DNAH1: variants seen among roughly 807,000 people sequenced by gnomAD.
DNAH1 encodes the protein axonemal beta dynein heavy chain 1.
A neutral mutation model predicts 484.3 loss-of-function variants in DNAH1; 327 were observed. The ratio of observed to expected loss-of-function variants is 0.68; its 90% CI spans 0.62 to 0.74. DNAH1 has a LOEUF of 0.74. Among genes scored for constraint, DNAH1 ranks in the 30% least tolerant of loss-of-function variants. The pLI, the probability that DNAH1 is intolerant of heterozygous loss-of-function variation, is 0.00. For synonymous variants in DNAH1, 2,192 were observed against 2,191.9 expected (o/e 1.00, Z 0.00); for missense variants, 5,052 against 5,546.8 (o/e 0.91, Z 2.83).
At chr3:52,378,819 GCT>G in intron 47 of DNAH1, 39 bp downstream of exon 47, 1 of 1,610,106 alleles carries the variant, frequency 6.2e-7, no homozygotes, top group Non-Finnish European at 8.5e-7. Context: ...TGCCCACACT[GCT>G]CTCCGCATCC....
At chr3:52,373,429 C>CAA (rs1703444940) in intron 44 of DNAH1, among the ~76,000 whole-genome samples, 1 of 152,228 alleles carries the variant, frequency 6.6e-6, no homozygotes, top group Admixed American at 6.5e-5. Flanking sequence ...AAAGAATCAC[C>CAA]AAAAGCAGGG....
chr3:52,332,432 CCTT>C (rs763521542), intron 8 of DNAH1, 38 bp downstream of exon 8: 4 of 1,597,310 alleles, frequency 2.5e-6, no homozygotes, highest in South Asian at 1.1e-5. Context: ...CTGGGCATCA[CCTT>C]CTTCAGGGAA....
chr3:52,361,974 A>T lies in DNAH1; in HGVS notation c.4980+208A>T. ...GGGGTCCCCTCCTCATTACATCCTGACCTTTATGGAAAGCCCCAGGCATTG... is the reference window on the plus strand; with the variant it reads ...GGGGTCCCCTCCTCATTACATCCTGTCCTTTATGGAAAGCCCCAGGCATTG... On this transcript the variant is annotated intron_variant, in intron 30 of 77. Coordinates refer to ENST00000420323, the MANE Select transcript of DNAH1 (RefSeq NM_015512.5). This position sits in a 1 kb window ranked among gnomAD's most constrained non-coding sequence, Gnocchi z 5.6. Among the ~76,000 whole-genome samples, 1 of 152,106 alleles carries T rather than the reference A, an allele frequency of 6.6e-6. No individual in the cohort carries two copies. Among genetic ancestry groups the T allele is most frequent in the East Asian group, 1.9e-4 (1 of 5,182 alleles).
At position 52,378,771 on chromosome 3, in the gene DNAH1, C is replaced by T. The variant is rs760944116; in HGVS notation, c.7368C>T (p.Ala2456=). 19 of 1,613,512 alleles carry T rather than the reference C, an allele frequency of 1.2e-5. No individual in the cohort carries two copies. In the African/African-American group the frequency reaches 2.5e-4, roughly 22 times the overall value. The change falls in exon 47 of 78, where the codon GCC becomes GCT. Residue 2456 remains alanine (A), a synonymous_variant. Coordinates refer to ENST00000420323, the MANE Select transcript of DNAH1 (RefSeq NM_015512.5). ...AAGGCATGCTCATGGCTGACCCGGC[C>T]AAGGTCGAGGTGAGGACCAGGCAGG... The part of the protein sequence containing the change: ...VFQGMLMADP[A]KVEDQVQLLR...
At chr3:52,328,644 C>T (rs1444678706) in intron 6 of DNAH1, among the ~76,000 whole-genome samples, 1 of 152,276 alleles carries the variant, frequency 6.6e-6, no homozygotes, top group Non-Finnish European at 1.5e-5. Context: ...AGGGAGTGCC[C>T]TTGGCTGCTC....
Position 52,392,692 on chromosome 3 carries a change from C to A in DNAH1, c.10278+3C>A. 1.9e-6 allele frequency: 3 copies of A among 1,593,932 alleles called. No individual in the cohort carries two copies. The South Asian group carries it at 3.4e-5, about 18-fold the overall frequency. ...AGATGAAGGCTGCTGAGATCCAGGT[C>A]AGCTGCTGCCTGCCCACCCACCTGC... is the stretch of plus-strand genomic sequence containing the variant. On this transcript the variant is annotated splice_donor_region_variant and intron_variant, in intron 64 of 77. Coordinates refer to ENST00000420323, the MANE Select transcript of DNAH1 (RefSeq NM_015512.5).
chr3:52,391,433 C>G lies in DNAH1; in HGVS notation c.9892-10C>G. 1 of 1,606,542 alleles carries G rather than the reference C, an allele frequency of 6.2e-7. No individual in the cohort carries two copies. The highest frequency in any genetic ancestry group is 8.5e-7 in the Non-Finnish European group (1 of 1,176,560). The stretch of plus-strand genomic sequence containing the variant: ...CAGGCCACAGTACCCACCGGTCCCA[C>G]CCACCACAGACGTACAAGCAGCAGG... On this transcript the variant is annotated splice_polypyrimidine_tract_variant and intron_variant, in intron 62 of 77. Coordinates refer to ENST00000420323, the MANE Select transcript of DNAH1 (RefSeq NM_015512.5).
Position 52,395,672 on chromosome 3 carries a change from C to A in DNAH1, c.11253C>A (p.Pro3751=), listed in dbSNP as rs781431972. 6.2e-7 allele frequency: 1 copy of A among 1,613,254 alleles called. No homozygotes were observed. The highest frequency in any genetic ancestry group is 8.5e-7 in the Non-Finnish European group (1 of 1,179,644). The part of the protein sequence containing the change: ...ALERLIEHIN[P]DKVHRDFRLW... ...AACGCCTCATCGAGCACATCAACCC[C>A]GACAAGGTGTGTTGCCCTGCCCATC... The change falls in exon 70 of 78, where the codon CCC becomes CCA. Residue 3751 remains proline, a synonymous_variant. Coordinates refer to ENST00000420323, the MANE Select transcript of DNAH1 (RefSeq NM_015512.5). This position sits in a 1 kb window ranked among gnomAD's most constrained non-coding sequence, Gnocchi z 4.4.
rs1272054267 is a variant in DNAH1, at chr3:52,397,764, C to G, written c.11845C>G (p.Leu3949Val). 1.9e-6 allele frequency: 3 copies of G among 1,613,840 alleles called. No individual in the cohort carries two copies. The highest frequency in any genetic ancestry group is 2.5e-6 in the Non-Finnish European group (3 of 1,179,770). Residue 3949 changes from leucine to valine, a missense_variant, in exon 74 of 78, where the codon CTG becomes GTG. Coordinates refer to ENST00000420323, the MANE Select transcript of DNAH1 (RefSeq NM_015512.5). Reference sequence around the variant, plus strand: ...CAATGATATGCCTGAGATCTTTGGCCTGCATGACAATGCCAACATCACCTT... The same window carrying G: ...CAATGATATGCCTGAGATCTTTGGCGTGCATGACAATGCCAACATCACCTT... ...PLNDMPEIFG[L>V]HDNANITFAQ... is the part of the protein sequence containing the mutation.
At chr3:52,372,806 C>T (rs1173536243) in intron 43 of DNAH1, 90 bp from the exon 44 acceptor site, 3 of 1,510,278 alleles carry the variant, frequency 2.0e-6, no homozygotes, top group South Asian at 1.3e-5. Flanking sequence ...GCAAGGGCTT[C>T]CCAGAGGCAA....
chr3:52,333,131 C>G (rs375888265), intron 8 of DNAH1, among the ~76,000 whole-genome samples: 20 of 152,222 alleles, frequency 1.3e-4, no homozygotes, highest in African/African-American at 4.6e-4. Flanking sequence ...AGTAAATCTC[C>G]CACCTTGGCT....
At chr3:52,340,879 A>G (rs1184842149) in intron 8 of DNAH1, among the ~76,000 whole-genome samples, 1 of 150,640 alleles carries the variant, frequency 6.6e-6, no homozygotes, top group Admixed American at 6.6e-5. Context: ...TTTTTAATTT[A>G]CAGATAATTT....
chr3:52,350,065 G>C lies in DNAH1; in HGVS notation c.2603G>C (p.Arg868Pro). 6.2e-7 allele frequency: 1 copy of C among 1,612,932 alleles called. No homozygotes were observed. ...AGCATTGAGGAGCTGGCTGAGCTGC[G>C]AGAGTGGATGAAGGGCATCCCGGAG... ...PNSIEELAEL[R>P]EWMKGIPERL... The change falls in exon 15 of 78, where the codon CGA (arginine) becomes CCA (proline). Residue 868 changes from arginine (R) to proline (P), a missense_variant. By Grantham distance (103) the Arg-to-Pro change is moderately radical. Around this residue, in one of 4 missense-constraint regions of DNAH1, gnomAD observed 1,263 missense variants for 1,218.8 expected, o/e 1.04. Transcript: ENST00000420323.
chr3:52,374,455 C>A, intron 44 of DNAH1: 3 of 1,349,326 alleles, frequency 2.2e-6, no homozygotes, highest in Non-Finnish European at 3.2e-6. Flanking sequence ...ACTCACAGTC[C>A]AAAAGAAGTA....
Position 52,358,882 on chromosome 3 carries a change from T to C in DNAH1, c.4266+145T>C, listed in dbSNP as rs1048885258. On this transcript the variant is annotated intron_variant, in intron 25 of 77. Coordinates refer to ENST00000420323, the MANE Select transcript of DNAH1 (RefSeq NM_015512.5). This position sits in a 1 kb window ranked among gnomAD's most constrained non-coding sequence, Gnocchi z 4.2. ...AGGCGGGATTCTGGAGTCTTTCCTT[T>C]CCACACACACTCCAGAAAGTGGGAC... The C allele has an allele frequency of 3.1e-6, 3 of 952,946 alleles. No homozygotes were observed. The highest frequency in any genetic ancestry group is 3.4e-5 in the African/African-American group (2 of 59,670). 59.0% of individuals were successfully genotyped at this position (952,946 alleles called of 1,614,324 possible). A position where few individuals can be genotyped will look rare whatever the true frequency, so the allele number is the denominator to read the frequency against.
chr3:52,332,061 C>T (rs1028850241), intron 7 of DNAH1, 81 bp from the exon 8 acceptor site: 59 of 1,491,010 alleles, frequency 4.0e-5, no homozygotes, highest in Admixed American at 1.0e-4. Context: ...TGGGCATCCA[C>T]GGCACAGCCG....
chr3:52,384,129 C>T (rs1475224142), intron 52 of DNAH1, 98 bp downstream of exon 52: 2 of 1,263,982 alleles, frequency 1.6e-6, no homozygotes, highest in African/African-American at 1.5e-5. Flanking sequence ...CCCAGGCCCA[C>T]CACCGAGGGT....
Position 52,352,047 on chromosome 3 carries a change from C to T in DNAH1, c.2815C>T (p.Arg939Cys), listed in dbSNP as rs372568029. 4.8e-5 allele frequency: 76 copies of T among 1,591,814 alleles called. No homozygotes were observed. Among genetic ancestry groups the T allele is most frequent in the Non-Finnish European group, 5.8e-5 (68 of 1,169,430 alleles). ...QQHVEDEEKF[R>C]KIQIMDQNNF... ...GCATGTGGAGGATGAGGAGAAGTTC[C>T]GCAAAATCCAGATCATGGATCAGAA... Residue 939 changes from arginine to cysteine, a missense_variant, in exon 17 of 78, where the codon CGC (arginine) becomes TGC (cysteine). Coordinates refer to ENST00000420323, the MANE Select transcript of DNAH1 (RefSeq NM_015512.5).
chr3:52,393,052 C>G (rs754056216), intron 65 of DNAH1, 27 bp downstream of exon 65: 3 of 1,608,532 alleles, frequency 1.9e-6, no homozygotes, highest in African/African-American at 2.7e-5. Flanking sequence ...AGGCTCCTAC[C>G]CTGCACAGAT....
Sources: allele counts gnomAD v4.1 joint callset (sites outside exome capture counted in the v4.1 genomes callset), GRCh38; gene constraint gnomAD v4.1.1; regional missense constraint gnomAD v4.1.1; non-coding constraint Gnocchi (gnomAD v3.1); transcripts MANE v1.5; gene names NCBI Gene and HGNC (gene_info 2026-07-23, HGNC 2026-07-21).